The following ANKS1B variants were observed in gnomAD, a reference collection of about 807,000 sequenced individuals.
The protein encoded by ANKS1B is ankyrin repeat and sterile alpha motif domain-containing protein 1B.
Under a neutral mutation model 148.3 loss-of-function variants are expected in ANKS1B, and 36 were observed. The ratio of observed to expected loss-of-function variants is 0.24; its 90% confidence interval spans 0.19 to 0.32. The LOEUF (loss-of-function observed/expected upper bound fraction) is 0.32. Among genes scored for constraint, ANKS1B ranks in the 10% least tolerant of loss-of-function variants. The pLI, the probability that ANKS1B is intolerant of heterozygous loss-of-function variation, is 1.00. For missense variants in ANKS1B, 1,157 were observed against 1,542.6 expected, an observed-to-expected ratio of 0.75 and a Z score of 4.19; for synonymous variants, 542 against 560.8, an observed-to-expected ratio of 0.97 and a Z score of 0.47.
At chr12:99,870,317 T>C (rs2091346432) in intron 1 of ANKS1B, among the ~76,000 whole-genome samples, 1 of 152,224 alleles carries the variant, frequency 6.6e-6, no homozygotes, top group Non-Finnish European at 1.5e-5. Flanking sequence ...TATATACGTA[T>C]ATTTTCTTTA....
chr12:99,244,434 T>C lies in ANKS1B; in HGVS notation c.2347-20A>G. The C allele has an allele frequency of 3.4e-6, 5 of 1,483,762 alleles. No individual in the cohort carries two copies. Among genetic ancestry groups the C allele is most frequent in the Non-Finnish European group, 4.6e-6 (5 of 1,077,116 alleles). The allele number at this position is 1,483,762 out of a possible 1,614,324, so 91.9% of individuals were successfully genotyped here. On this transcript the variant is annotated intron_variant, in intron 13 of 26. Transcript: ENST00000683438. The stretch of plus-strand genomic sequence containing the variant: ...GTCAATCTGTAAGAAACAAAAACCA[T>C]TTAAATGGATTGTTACATTCACTTT...
chr12:99,740,195 C>T (rs914718802), intron 8 of ANKS1B, among the ~76,000 whole-genome samples: 1 of 151,984 alleles, frequency 6.6e-6, no homozygotes, highest in Non-Finnish European at 1.5e-5. Context: ...CTTACAATTC[C>T]AGCTACTTGG....
At chr12:99,482,013 C>T (rs1248383829) in intron 10 of ANKS1B, among the ~76,000 whole-genome samples, 2 of 151,926 alleles carry the variant, frequency 1.3e-5, no homozygotes, top group Non-Finnish European at 2.9e-5. Context: ...ATTTATTTTG[C>T]TATGCTAAAG....
chr12:98,897,034 T>G (rs2099765660), intron 17 of ANKS1B, among the ~76,000 whole-genome samples: 1 of 152,224 alleles, frequency 6.6e-6, no homozygotes, highest in Non-Finnish European at 1.5e-5. Context: ...TGTCCAGTCC[T>G]CTGCACTCTA....
intron 16 of ANKS1B, among the ~76,000 whole-genome samples, chr12:99,071,870 C>A (rs1054921635): frequency 1.3e-5 from 2 of 152,134 alleles, no homozygotes; most frequent in Non-Finnish European, 2.9e-5. Context: ...TGGTCTTGAA[C>A]TCCTGACCTC....
intron 12 of ANKS1B, among the ~76,000 whole-genome samples, chr12:99,335,028 A>G (rs1308986990): frequency 2.0e-5 from 3 of 152,084 alleles, no homozygotes; most frequent in African/African-American, 7.2e-5. Context: ...ACACAATCCT[A>G]TTGAGTCCTC....
intron 5 of ANKS1B, among the ~76,000 whole-genome samples, chr12:99,781,220 G>A (rs1428535435): frequency 6.6e-6 from 1 of 152,060 alleles, no homozygotes; most frequent in East Asian, 1.9e-4. Flanking sequence ...TCACCACACT[G>A]CATGACAAAG....
At chr12:99,762,390 A>C (rs1345918671) in intron 8 of ANKS1B, among the ~76,000 whole-genome samples, 1 of 152,050 alleles carries the variant, frequency 6.6e-6, no homozygotes, top group African/African-American at 2.4e-5. Context: ...ATAAAGCCAC[A>C]CAACTACAAC....
intron 17 of ANKS1B, among the ~76,000 whole-genome samples, chr12:98,947,051 C>T (rs995479796): frequency 6.7e-6 from 1 of 148,956 alleles, no homozygotes; most frequent in African/African-American, 2.5e-5. Flanking sequence ...ACTGCCAACA[C>T]AAATTCCCTA....
chr12:99,821,914 C>A (rs1411467937), intron 2 of ANKS1B, among the ~76,000 whole-genome samples: 2 of 151,628 alleles, frequency 1.3e-5, no homozygotes, highest in Non-Finnish European at 2.9e-5. Flanking sequence ...ACTTTCCATT[C>A]TATAAAGGAA....
intron 17 of ANKS1B, chr12:98,976,624 A>C (rs2099896646): frequency 6.6e-6 from 1 of 152,168 alleles, no homozygotes; most frequent in African/African-American, 2.4e-5. Context: ...CTGTGACAAA[A>C]ATTATATAAA....
intron 9 of ANKS1B, among the ~76,000 whole-genome samples, chr12:99,643,989 T>C (rs2098334659): frequency 6.6e-6 from 1 of 152,236 alleles, no homozygotes; most frequent in African/African-American, 2.4e-5. Context: ...AGATTGAGAA[T>C]GTTCCAACCA....
chr12:98,812,502 G>T (rs1295945759), intron 19 of ANKS1B, among the ~76,000 whole-genome samples: 1 of 152,218 alleles, frequency 6.6e-6, no homozygotes, highest in African/African-American at 2.4e-5. Context: ...AACTGTCATC[G>T]TGTCAGTGCA....
In ANKS1B at chr12:99,812,167, C is replaced by G. The variant is rs2068461140; in HGVS notation, c.360G>C (p.Arg120Ser). Residue 120 changes from arginine (R) to serine (S), a missense_variant, in exon 3 of 27, where the codon AGG (arginine) becomes AGC (serine). Transcript: ENST00000683438. ...TTGGCAAGTGCACCTGTTCATTGAC[C>G]CTGGAATGTGATGGTCCATGATGAA... The part of the protein sequence containing the change: ...ILIHHGPSHS[R>S]VNEQNNENET... 3 of 1,610,680 alleles carry G rather than the reference C, an allele frequency of 1.9e-6. No individual in the cohort carries two copies. The highest frequency in any genetic ancestry group is 2.5e-6 in the Non-Finnish European group (3 of 1,177,800).
intron 10 of ANKS1B, among the ~76,000 whole-genome samples, chr12:99,481,983 G>A (rs1321707014): frequency 6.6e-6 from 1 of 151,922 alleles, no homozygotes; most frequent in African/African-American, 2.4e-5. Flanking sequence ...TCTGTGGGTT[G>A]ACTGTTTACT....
chr12:99,269,659 C>T (rs2076824775), intron 12 of ANKS1B, among the ~76,000 whole-genome samples: 1 of 152,148 alleles, frequency 6.6e-6, no homozygotes, highest in Non-Finnish European at 1.5e-5. Flanking sequence ...CCCGGGTTCA[C>T]GCCATTCTCC....
chr12:98,742,359 T>TC (rs2097805442), downstream of ANKS1B, among the ~76,000 whole-genome samples: 3 of 152,074 alleles, frequency 2.0e-5, no homozygotes, highest in Admixed American at 6.5e-5. Flanking sequence ...TTTTTTTTTT[T>TC]CCCCAAACAA....
intron 9 of ANKS1B, among the ~76,000 whole-genome samples, chr12:99,553,228 G>T (rs1049411841): frequency 6.6e-6 from 1 of 152,278 alleles, no homozygotes; most frequent in East Asian, 1.9e-4. Context: ...CAAAAATTTA[G>T]CAAGGCTTTC....
chr12:99,004,847 G>T (rs1483776115), intron 17 of ANKS1B, among the ~76,000 whole-genome samples: 3 of 151,906 alleles, frequency 2.0e-5, no homozygotes, highest in Non-Finnish European at 4.4e-5. Context: ...CAAAGAAATT[G>T]CCATCTCATC....
Sources: gnomAD v4.1 joint callset for allele counts (sites outside exome capture counted in the v4.1 genomes callset) on GRCh38, gnomAD v4.1.1 for gene constraint, MANE v1.5 for transcripts, NCBI Gene and HGNC (gene_info 2026-07-23, HGNC 2026-07-21) for gene names.